Variants in SLIT3 observed in about 807,000 individuals in gnomAD.
The protein encoded by SLIT3 is slit homolog 3 protein.
A neutral mutation model predicts 184.0 loss-of-function variants in SLIT3; 68 were observed. The ratio of observed to expected loss-of-function variants is 0.37; its 90% CI spans 0.30 to 0.45. SLIT3 has a LOEUF of 0.45. Ranked by LOEUF, SLIT3 falls within the 20% of genes least tolerant of loss-of-function variation. The probability of loss-of-function intolerance (pLI) is 1.00; values close to 1 mark genes in which losing one functional copy is unlikely to be tolerated. For missense variants in SLIT3, 1,707 were observed against 2,026.0 expected, an observed-to-expected ratio of 0.84 and a Z score of 3.02; for synonymous variants, 831 against 828.6, an observed-to-expected ratio of 1.00 and a Z score of -0.05.
intron 4 of SLIT3, among the ~76,000 whole-genome samples, chr5:169,122,776 A>T (rs1426758440): frequency 2.6e-5 from 4 of 152,184 alleles, no homozygotes; most frequent in East Asian, 3.9e-4. Flanking sequence ...ACCTTTCAAC[A>T]TCAAATATTC....
chr5:169,112,423 G>C (rs1251408850), intron 4 of SLIT3, among the ~76,000 whole-genome samples: 1 of 152,176 alleles, frequency 6.6e-6, no homozygotes, highest in Non-Finnish European at 1.5e-5. Context: ...TCACTCATCA[G>C]AGAGGAGAAA....
chr5:169,027,296 G>C (rs1440167221), intron 4 of SLIT3, among the ~76,000 whole-genome samples: 1 of 152,142 alleles, frequency 6.6e-6, no homozygotes, highest in Non-Finnish European at 1.5e-5. Context: ...GCAAGTGTGG[G>C]AACAGCTTTA....
At chr5:169,129,065 T>C (rs1332759500) in intron 4 of SLIT3, among the ~76,000 whole-genome samples, 1 of 152,126 alleles carries the variant, frequency 6.6e-6, no homozygotes, top group Non-Finnish European at 1.5e-5. Flanking sequence ...GGGGTTATAA[T>C]TCCTTGGTAA....
intron 4 of SLIT3, chr5:169,037,664 T>C (rs1466060585): frequency 6.6e-6 from 1 of 152,198 alleles, no homozygotes; most frequent in African/African-American, 2.4e-5. Context: ...TATAACTCCA[T>C]CCAGCTTCAT....
At chr5:169,074,873 A>G (rs1379283243) in intron 4 of SLIT3, among the ~76,000 whole-genome samples, 1 of 152,148 alleles carries the variant, frequency 6.6e-6, no homozygotes, top group Non-Finnish European at 1.5e-5. Flanking sequence ...CTCCAGAGCC[A>G]CCTGAGGGCT....
chr5:168,688,520 GC>G (rs1761813466), intron 29 of SLIT3, among the ~76,000 whole-genome samples: 2 of 152,322 alleles, frequency 1.3e-5, no homozygotes, highest in Middle Eastern at 6.8e-3. Context: ...CATGATGCAG[GC>G]TGTAGATTCA....
At chr5:168,741,477 T>A (rs1763636250) in intron 20 of SLIT3, among the ~76,000 whole-genome samples, 2 of 31,698 alleles carry the variant, frequency 6.3e-5, no homozygotes, top group Admixed American at 4.6e-4. Context: ...AGACTCGGTC[T>A]CAAAAAAAAA....
chr5:169,092,871 A>C (rs566985657), intron 4 of SLIT3, among the ~76,000 whole-genome samples: 11 of 152,080 alleles, frequency 7.2e-5, no homozygotes, highest in Non-Finnish European at 1.3e-4. Context: ...TTGTACATCA[A>C]TTTGCCATCT....
At chr5:169,176,442 G>A (rs1762987571) in intron 4 of SLIT3, among the ~76,000 whole-genome samples, 1 of 152,184 alleles carries the variant, frequency 6.6e-6, no homozygotes, top group Admixed American at 6.5e-5. Context: ...CCACCAGATT[G>A]TGGAGAGAAG....
intron 3 of SLIT3, among the ~76,000 whole-genome samples, chr5:169,204,744 C>G (rs1406721271): frequency 6.6e-6 from 1 of 152,086 alleles, no homozygotes; most frequent in Non-Finnish European, 1.5e-5. Flanking sequence ...TCTGTTTCCT[C>G]AGTGAAAAAC....
At chr5:169,056,783 A>C (rs1179620710) in intron 4 of SLIT3, among the ~76,000 whole-genome samples, 1 of 152,178 alleles carries the variant, frequency 6.6e-6, no homozygotes, top group African/African-American at 2.4e-5. Context: ...CCTGTGGCTG[A>C]CTTCACAGTC....
At chr5:168,981,903 CA>C in intron 4 of SLIT3, among the ~76,000 whole-genome samples, 1 of 152,250 alleles carries the variant, frequency 6.6e-6, no homozygotes, top group East Asian at 1.9e-4. Flanking sequence ...TGATCATTGC[CA>C]GTCCATGAAC....
chr5:169,146,598 C>T (rs1761934098), intron 4 of SLIT3, among the ~76,000 whole-genome samples: 1 of 152,168 alleles, frequency 6.6e-6, no homozygotes, highest in South Asian at 2.1e-4. Flanking sequence ...GCTCCTCCTG[C>T]CTCCACTGCT....
At chr5:168,835,699 T>A (rs1758028641) in intron 6 of SLIT3, among the ~76,000 whole-genome samples, 1 of 151,620 alleles carries the variant, frequency 6.6e-6, no homozygotes, top group African/African-American at 2.4e-5. Context: ...TAATCCCAGC[T>A]ACTCAGGAGG....
chr5:168,708,082 A>C lies in SLIT3; in HGVS notation c.2738T>G (p.Ile913Ser). ...GAGGCAGGCATTGCATTTGGCCACA[A>C]TGTTGATGTCCACTGGCCCTGGGCA... ...FQCKGPVDIN[I>S]VAKCNACLSS... The change falls in exon 26 of 36, where the codon ATT (isoleucine) becomes AGT (serine). Residue 913 changes from isoleucine (I) to serine (S), a missense_variant. Ile to Ser is a moderately radical substitution (Grantham distance 142). Transcript: ENST00000519560. 1.9e-6 allele frequency: 3 copies of C among 1,614,206 alleles called. No individual in the cohort carries two copies. The highest frequency in any genetic ancestry group is 2.5e-6 in the Non-Finnish European group (3 of 1,180,030).
At chr5:168,806,408 G>A (rs3797716) in intron 9 of SLIT3, 38 bp downstream of exon 9, 792,378 of 1,609,932 alleles carry the variant, frequency 0.49, 196,816 homozygotes, top group African/African-American at 0.59. Context: ...TGAATTCTCC[G>A]GCGACAGTTG....
intron 18 of SLIT3, among the ~76,000 whole-genome samples, chr5:168,750,358 T>C (rs1363578034): frequency 1.3e-5 from 2 of 152,246 alleles, no homozygotes; most frequent in African/African-American, 4.8e-5. Flanking sequence ...TCTCATTCAT[T>C]CCTGTCACAG....
At chr5:168,704,733 T>C (rs144024087) in intron 26 of SLIT3, among the ~76,000 whole-genome samples, 10 of 152,336 alleles carry the variant, frequency 6.6e-5, no homozygotes, top group African/African-American at 2.4e-4. Flanking sequence ...CTGTGCTTTT[T>C]TATAATATTG....
At chr5:169,256,831 T>C (rs1202455586) in intron 1 of SLIT3, among the ~76,000 whole-genome samples, 1 of 152,134 alleles carries the variant, frequency 6.6e-6, no homozygotes, top group Non-Finnish European at 1.5e-5. Context: ...TGAGAACTGT[T>C]CCTTCTCTCA....
Sources: allele counts gnomAD v4.1 joint callset (sites outside exome capture counted in the v4.1 genomes callset), GRCh38; gene constraint gnomAD v4.1.1; transcripts MANE v1.5; gene names NCBI Gene and HGNC (gene_info 2026-07-23, HGNC 2026-07-21).